The following HOOK1 variants were observed in gnomAD, a reference collection of about 807,000 sequenced individuals.
HOOK1 encodes protein Hook homolog 1.
In HOOK1, 60 loss-of-function variants were observed where a neutral mutation model predicts 112.8. The ratio of observed to expected loss-of-function variants is 0.53; its 90% CI spans 0.43 to 0.66. HOOK1 has a LOEUF of 0.66. HOOK1 is among the 30% of genes least tolerant of loss of function. The probability of loss-of-function intolerance (pLI) is 0.00; values close to 1 mark genes in which losing one functional copy is unlikely to be tolerated. For synonymous variants in HOOK1, 294 were observed against 283.8 expected (o/e 1.04, Z -0.36); for missense variants, 770 against 856.0 (o/e 0.90, Z 1.25).
At position 59,835,419 on chromosome 1, in the gene HOOK1, T is replaced by A; in HGVS notation, c.474+7T>A. On this transcript the variant is annotated splice_region_variant and intron_variant, in intron 6 of 21. Coordinates refer to ENST00000371208, the MANE Select transcript of HOOK1 (RefSeq NM_015888.6). ...CATGACTGCTATTCAAGAGGTAAGT[T>A]ATATCATGTTCCTATGAGTATAAAA... 1 of 1,500,006 alleles carries A rather than the reference T, an allele frequency of 6.7e-7. No homozygotes were observed. Among genetic ancestry groups the A allele is most frequent in the Non-Finnish European group, 9.3e-7 (1 of 1,078,892 alleles). 92.9% of individuals were successfully genotyped at this position (1,500,006 alleles called of 1,614,324 possible). A position where few individuals can be genotyped will look rare whatever the true frequency, so the allele number is the denominator to read the frequency against.
chr1:59,848,216 C>A, intron 10 of HOOK1, 99 bp from the exon 11 acceptor site: 1 of 851,334 alleles, frequency 1.2e-6, no homozygotes, highest in South Asian at 2.1e-5. Flanking sequence ...TTTCTTTTTT[C>A]TTTTTTGTGA....
chr1:59,844,092 T>C (rs565528704), intron 9 of HOOK1, among the ~76,000 whole-genome samples: 2 of 152,032 alleles, frequency 1.3e-5, no homozygotes, highest in Non-Finnish European at 2.9e-5. Context: ...ACAGGCACTC[T>C]AATTGTACTA....
Position 59,872,842 on chromosome 1 carries a change from C to T in HOOK1, c.2064C>T (p.Gly688=), listed in dbSNP as rs771390766. 43 of 1,481,580 alleles carry T rather than the reference C, an allele frequency of 2.9e-5. No individual in the cohort carries two copies. In the Admixed American group the frequency reaches 5.5e-4, roughly 19 times the overall value. The allele number at this position is 1,481,580 out of a possible 1,614,324, so 91.8% of individuals were successfully genotyped here. ...KLGMESRLVS[G]GGACSDTGAC... ...GGATGGAATCTAGACTTGTGAGCGG[C>T]GGTGGTGCCTGCAGTGACACTGGTG... Residue 688 remains glycine (G), a synonymous_variant, in exon 22 of 22, where the codon GGC becomes GGT. Coordinates refer to ENST00000371208, the MANE Select transcript of HOOK1 (RefSeq NM_015888.6).
At chr1:59,856,745 G>A (rs2098410975) in intron 12 of HOOK1, among the ~76,000 whole-genome samples, 1 of 152,076 alleles carries the variant, frequency 6.6e-6, no homozygotes, top group South Asian at 2.1e-4. Flanking sequence ...TACCATAGGT[G>A]CCTTGAGTCT....
rs750614241 is a variant in HOOK1, at chr1:59,848,395, G to C, written c.1010G>C (p.Arg337Pro). 1 of 1,610,856 alleles carries C rather than the reference G, an allele frequency of 6.2e-7. No homozygotes were observed. The highest frequency in any genetic ancestry group is 1.3e-5 in the African/African-American group (1 of 74,826). ...AAGCTACAAGATCTGAATGACCTTC[G>C]CAAGCAGGTGAAAACTTTACAGGAA... ...RQKLQDLNDL[R>P]KQVKTLQETN... Residue 337 changes from arginine to proline, a missense_variant, in exon 11 of 22, where the codon CGC becomes CCC. Coordinates refer to ENST00000371208, the MANE Select transcript of HOOK1 (RefSeq NM_015888.6).
intron 3 of HOOK1, among the ~76,000 whole-genome samples, chr1:59,831,414 G>A (rs2098393897): frequency 6.6e-6 from 1 of 152,116 alleles, no homozygotes; most frequent in Non-Finnish European, 1.5e-5. Flanking sequence ...TTTTTGGCCT[G>A]TATAATCTTT....
intron 7 of HOOK1, among the ~76,000 whole-genome samples, chr1:59,838,613 G>A (rs1023426965): frequency 6.6e-5 from 10 of 152,030 alleles, no homozygotes; most frequent in Admixed American, 1.3e-4. Flanking sequence ...TTGTCAGATG[G>A]ATAGATTGCA....
intron 2 of HOOK1, among the ~76,000 whole-genome samples, chr1:59,823,953 C>T (rs764725824): frequency 6.6e-6 from 1 of 152,208 alleles, no homozygotes; most frequent in Non-Finnish European, 1.5e-5. Flanking sequence ...CTTTCTCTCT[C>T]GTTCTCTCTT....
At chr1:59,855,668 AT>A (rs1184637387) in intron 12 of HOOK1, among the ~76,000 whole-genome samples, 1 of 151,160 alleles carries the variant, frequency 6.6e-6, no homozygotes, top group African/African-American at 2.4e-5. Flanking sequence ...GTTTTTAGCA[AT>A]TTTTCTCTTC....
At position 59,848,384 on chromosome 1, in the gene HOOK1, G is replaced by C. The variant is rs138325899; in HGVS notation, c.999G>C (p.Leu333=). The C allele has an allele frequency of 1.1e-4, 174 of 1,611,308 alleles. No homozygotes were observed. The African/African-American group carries it at 2.0e-3, about 19-fold the overall frequency. Residue 333 remains leucine (L), a synonymous_variant, in exon 11 of 22, where the codon CTG becomes CTC. Transcript: ENST00000371208. ...VEIYRQKLQD[L]NDLRKQVKTL... ...TATATCGTCAGAAGCTACAAGATCT[G>C]AATGACCTTCGCAAGCAGGTGAAAA... is the stretch of plus-strand genomic sequence containing the variant.
chr1:59,871,127 C>G lies in HOOK1; in HGVS notation c.2016+17C>G. On this transcript the variant is annotated intron_variant, in intron 21 of 21. Coordinates refer to ENST00000371208, the MANE Select transcript of HOOK1 (RefSeq NM_015888.6). ...TATAATAAGGTGAGCTGAAGTTCAGCAAATGATTGGATGAGAACGGTGTTT... is the reference window on the plus strand; with the variant it reads ...TATAATAAGGTGAGCTGAAGTTCAGGAAATGATTGGATGAGAACGGTGTTT... The G allele has an allele frequency of 6.3e-7, 1 of 1,575,878 alleles. No homozygotes were observed. The highest frequency in any genetic ancestry group is 1.3e-5 in the African/African-American group (1 of 74,138).
At chr1:59,821,983 C>T in intron 2 of HOOK1, 40 bp downstream of exon 2, 1 of 1,457,730 alleles carries the variant, frequency 6.9e-7, no homozygotes, top group Non-Finnish European at 9.6e-7. Context: ...GCATTGTAAA[C>T]CCAATACATA....
chr1:59,846,562 CCTTCCTTCCTT>C (rs2098403968), intron 9 of HOOK1, among the ~76,000 whole-genome samples: 2 of 68,098 alleles, frequency 2.9e-5, no homozygotes, highest in Admixed American at 1.5e-4. Context: ...TTCCTTCCTT[CCTTCCTTCCTT>C]CCTTCCTTCC....
chr1:59,873,727 A>C lies in HOOK1; in HGVS notation c.*762A>C, dbSNP rs1484063081. ...GTGACTTTCTGATGGAAAGCAAGCT[A>C]TATATATATATATATATATATATAT... On this transcript the variant is annotated 3_prime_UTR_variant, in exon 22 of 22. Coordinates refer to ENST00000371208, the MANE Select transcript of HOOK1 (RefSeq NM_015888.6). The C allele has an allele frequency of 4.4e-5, 3 of 68,236 alleles. No individual in the cohort carries two copies. The highest frequency in any genetic ancestry group is 9.9e-5 in the Non-Finnish European group (3 of 30,212). The allele number at this position is 68,236 out of a possible 1,614,324, so 4.2% of individuals were successfully genotyped here. A position where few individuals can be genotyped will look rare whatever the true frequency, so the allele number is the denominator to read the frequency against.
chr1:59,846,527 TTTCC>T lies in HOOK1; in HGVS notation c.789-460_789-457del, dbSNP rs56170541. ...TCCCTCCCTTTCTTCCTTCCTTCCTTTTCCTTCCTTCCTTCCTTCCTTCCTTCCT... is the reference window on the plus strand; with the variant it reads ...TCCCTCCCTTTCTTCCTTCCTTCCTTTTCCTTCCTTCCTTCCTTCCTTCCT... On this transcript the variant is annotated intron_variant, in intron 9 of 21. Transcript: ENST00000371208. Among the ~76,000 whole-genome samples, 470 of 87,328 alleles carry T rather than the reference TTTCC, an allele frequency of 5.4e-3. 26 individuals are homozygous for T. The highest frequency in any genetic ancestry group is 0.017 in the Middle Eastern group (3 of 176). The allele number at this position is 87,328 out of a possible 152,430, so 57.3% of individuals were successfully genotyped here. A position where few individuals can be genotyped will look rare whatever the true frequency, so the allele number is the denominator to read the frequency against.
intron 2 of HOOK1, among the ~76,000 whole-genome samples, chr1:59,826,238 C>G (rs2098389817): frequency 6.6e-6 from 1 of 151,710 alleles, no homozygotes; most frequent in African/African-American, 2.4e-5. Context: ...TATTTGATAT[C>G]CCTTGAGTGT....
intron 2 of HOOK1, among the ~76,000 whole-genome samples, chr1:59,822,550 C>G (rs2098386400): frequency 6.6e-6 from 1 of 152,126 alleles, no homozygotes; most frequent in Admixed American, 6.5e-5. Flanking sequence ...GTTTCTAAAT[C>G]CATTTTTCCC....
At position 59,848,373 on chromosome 1, in the gene HOOK1, C is replaced by T; in HGVS notation, c.988C>T (p.Leu330=). ...ESTVEIYRQK[L]QDLNDLRKQV... The stretch of plus-strand genomic sequence containing the variant: ...AACAGTTGAGATATATCGTCAGAAG[C>T]TACAAGATCTGAATGACCTTCGCAA... The change falls in exon 11 of 22, where the codon CTA becomes TTA. Residue 330 remains leucine, a synonymous_variant. Transcript: ENST00000371208. 6.2e-7 allele frequency: 1 copy of T among 1,611,136 alleles called. No homozygotes were observed. The highest frequency in any genetic ancestry group is 8.5e-7 in the Non-Finnish European group (1 of 1,178,044).
chr1:59,815,173 T>TGATCTGGGTGAATGA lies in HOOK1; in HGVS notation c.63+4_63+5insATGAGATCTGGGTGA. The TGATCTGGGTGAATGA allele has an allele frequency of 6.5e-7, 1 of 1,543,680 alleles. No individual in the cohort carries two copies. Among genetic ancestry groups the TGATCTGGGTGAATGA allele is most frequent in the Non-Finnish European group, 8.7e-7 (1 of 1,146,446 alleles). Reference sequence around the variant, plus strand: ...AAGCTGCCCCTGTGCGACAGCCTCATGATCTGGGTGAGTGCGAGGAGGCGA... The same window carrying TGATCTGGGTGAATGA: ...AAGCTGCCCCTGTGCGACAGCCTCATGATCTGGGTGAATGAGATCTGGGTGAGTGCGAGGAGGCGA... On this transcript the variant is annotated inframe_insertion, in exon 1 of 22. Transcript: ENST00000371208.
Sources: gnomAD v4.1 joint callset for allele counts (sites outside exome capture counted in the v4.1 genomes callset) on GRCh38, gnomAD v4.1.1 for gene constraint, MANE v1.5 for transcripts, NCBI Gene and HGNC (gene_info 2026-07-23, HGNC 2026-07-21) for gene names.